Variants in KIAA1549L observed in about 807,000 individuals in gnomAD.
KIAA1549L encodes the protein KIAA1549 like.
A neutral mutation model predicts 160.7 loss-of-function variants in KIAA1549L; 88 were observed. That is an observed-to-expected ratio of 0.55 (90% CI 0.46 to 0.65). The LOEUF (loss-of-function observed/expected upper bound fraction) is 0.65. KIAA1549L is among the 30% of genes least tolerant of loss of function. The pLI is 0.00. For synonymous variants in KIAA1549L, 950 were observed against 976.7 expected (o/e 0.97, Z 0.51); for missense variants, 2,258 against 2,437.5 (o/e 0.93, Z 1.55).
rs117377568 is a variant in KIAA1549L, at chr11:33,656,864, G to A, written c.5858+755G>A. Among the ~76,000 whole-genome samples the A allele has an allele frequency of 9.3e-3, 1,416 of 152,216 alleles. 20 individuals are homozygous for A. The highest frequency in any genetic ancestry group is 0.043 in the South Asian group (207 of 4,826). ...CCAGTGGTTTAGAATGCGGAGGGGC[G>A]TAGACGTCACTTCTTGCCACCAGCC... On this transcript the variant is annotated intron_variant, in intron 18 of 20. Coordinates refer to ENST00000658780, the MANE Select transcript of KIAA1549L (RefSeq NM_012194.3).
Position 33,609,843 on chromosome 11 carries a change from C to T in KIAA1549L, c.5156C>T (p.Ala1719Val). 6.2e-7 allele frequency: 1 copy of T among 1,613,770 alleles called. No individual in the cohort carries two copies. Among genetic ancestry groups the T allele is most frequent in the Non-Finnish European group, 8.5e-7 (1 of 1,179,726 alleles). Residue 1719 changes from alanine (A) to valine (V), a missense_variant, in exon 15 of 21, where the codon GCA (alanine) becomes GTA (valine). This residue lies in a region of KIAA1549L where 1,359 missense variants were observed against 1,546.6 expected (regional missense o/e 0.88). Coordinates refer to ENST00000658780, the MANE Select transcript of KIAA1549L (RefSeq NM_012194.3). ...AKRKGYYDFP[A>V]VETSKGLTER... Reference sequence around the variant, plus strand: ...AGGAAGGGATATTACGACTTCCCTGCAGTGGAGACGAGCAAGGGTCTGACC... The same window carrying T: ...AGGAAGGGATATTACGACTTCCCTGTAGTGGAGACGAGCAAGGGTCTGACC...
At chr11:33,515,421 T>C (rs1404354467) in intron 1 of KIAA1549L, among the ~76,000 whole-genome samples, 1 of 152,180 alleles carries the variant, frequency 6.6e-6, no homozygotes, top group African/African-American at 2.4e-5. Context: ...ATCCAACTAG[T>C]TCAAGTTGGA....
rs1401626126 is a variant in KIAA1549L at position 33,376,342 on chromosome 11, CCCCGGGCGGCGCCCGT to C, written c.-306_-291del. On this transcript the variant is annotated 5_prime_UTR_variant, in exon 1 of 21. Transcript: ENST00000658780. This position sits in a 1 kb window ranked among gnomAD's most constrained non-coding sequence, Gnocchi z 5.8. ...GCAGGAGCCGGCCCGGGGGAGGGGG[CCCCGGGCGGCGCCCGT>C]CCCACCCTCGCCGCCCCAATCGCGC... The C allele has an allele frequency of 6.8e-6, 1 of 148,058 alleles. No homozygotes were observed. The highest frequency in any genetic ancestry group is 2.5e-5 in the African/African-American group (1 of 40,810). 9.2% of individuals were successfully genotyped at this position (148,058 alleles called of 1,614,324 possible).
At chr11:33,430,198 T>C (rs1044088922) in intron 1 of KIAA1549L, among the ~76,000 whole-genome samples, 2 of 147,756 alleles carry the variant, frequency 1.4e-5, no homozygotes, top group African/African-American at 2.5e-5. Context: ...CTCCCTTCTT[T>C]CCCTCCCTCT....
At position 33,668,103 on chromosome 11, in the gene KIAA1549L, G is replaced by A. The variant is rs1214547182; in HGVS notation, c.6390G>A (p.Glu2130=). ...TAALVKAIRE[E]VAKLAKKQTD... is the part of the protein sequence containing the mutation. ...CCCTTGTGAAGGCCATCCGGGAGGAGGTGGCCAAGCTGGCCAAAAAACAGA... is the reference window on the plus strand; with the variant it reads ...CCCTTGTGAAGGCCATCCGGGAGGAAGTGGCCAAGCTGGCCAAAAAACAGA... Residue 2130 remains glutamate, a synonymous_variant, in exon 21 of 21, where the codon GAG becomes GAA. Transcript: ENST00000658780. 2 of 1,614,012 alleles carry A rather than the reference G, an allele frequency of 1.2e-6. No homozygotes were observed. Among genetic ancestry groups the A allele is most frequent in the South Asian group, 2.2e-5 (2 of 91,064 alleles).
At chr11:33,432,549 T>G (rs1304095232) in intron 1 of KIAA1549L, among the ~76,000 whole-genome samples, 2 of 152,202 alleles carry the variant, frequency 1.3e-5, no homozygotes, top group African/African-American at 4.8e-5. Context: ...CTGCTGAGAT[T>G]CTGAAGGGAA....
intron 1 of KIAA1549L, among the ~76,000 whole-genome samples, chr11:33,488,199 C>A (rs187024686): frequency 2.0e-5 from 3 of 152,184 alleles, no homozygotes; most frequent in Middle Eastern, 3.2e-3. Flanking sequence ...TTGTAATGCT[C>A]AAACTCAAAG....
chr11:33,668,599 CTG>C lies in KIAA1549L; in HGVS notation c.*447_*448del, dbSNP rs1399159587. On this transcript the variant is annotated 3_prime_UTR_variant, in exon 21 of 21. Coordinates refer to ENST00000658780, the MANE Select transcript of KIAA1549L (RefSeq NM_012194.3). Reference sequence around the variant, plus strand: ...GCAGGAGTGTGGATTAAGCACCAGACTGTATTCTCATTCAACCATGACCGTGC... The same window carrying C: ...GCAGGAGTGTGGATTAAGCACCAGACTATTCTCATTCAACCATGACCGTGC... 1.1e-5 allele frequency: 2 copies of C among 176,820 alleles called. No homozygotes were observed. Among genetic ancestry groups the C allele is most frequent in the Non-Finnish European group, 2.4e-5 (2 of 81,960 alleles). 11.0% of individuals were successfully genotyped at this position (176,820 alleles called of 1,614,324 possible).
intron 1 of KIAA1549L, among the ~76,000 whole-genome samples, chr11:33,527,986 T>C (rs1590312557): frequency 1.3e-5 from 2 of 152,270 alleles, no homozygotes; most frequent in South Asian, 2.1e-4. Context: ...TGAATAAGTC[T>C]CACGAAATCT....
intron 1 of KIAA1549L, among the ~76,000 whole-genome samples, chr11:33,501,900 T>G (rs1852957841): frequency 2.0e-5 from 3 of 152,114 alleles, no homozygotes; most frequent in African/African-American, 7.2e-5. Context: ...GTGGTAGAGC[T>G]GAGATTTGAG....
Position 33,559,703 on chromosome 11 carries a change from T to C in KIAA1549L, c.3856-46T>C, listed in dbSNP as rs559746494. 1.9e-6 allele frequency: 3 copies of C among 1,564,234 alleles called. No individual in the cohort carries two copies. The Admixed American group carries it at 5.0e-5, about 26-fold the overall frequency. ...ATGGCCTCCATGAAACACACCCTGG[T>C]CTTATTTGGCCTGTCTCCCTCCCCT... On this transcript the variant is annotated intron_variant, in intron 6 of 20. Transcript: ENST00000658780.
intron 18 of KIAA1549L, among the ~76,000 whole-genome samples, chr11:33,656,567 G>T (rs192828433): frequency 6.6e-6 from 1 of 152,308 alleles, no homozygotes; most frequent in African/African-American, 2.4e-5. Flanking sequence ...TATCTCAATT[G>T]CAACACATAT....
chr11:33,448,906 T>G (rs1225688297), intron 1 of KIAA1549L, among the ~76,000 whole-genome samples: 1 of 152,192 alleles, frequency 6.6e-6, no homozygotes, highest in Non-Finnish European at 1.5e-5. Context: ...CTGGTCCCCA[T>G]CGTTTCCCCC....
rs549078880 is a variant in KIAA1549L, at chr11:33,583,194, G to T, written c.4403-144G>T. 416 of 682,526 alleles carry T rather than the reference G, an allele frequency of 6.1e-4. 3 individuals carry two copies. In the Middle Eastern group the frequency reaches 8.8e-3, roughly 14 times the overall value. 42.3% of individuals were successfully genotyped at this position (682,526 alleles called of 1,614,324 possible). A position where few individuals can be genotyped will look rare whatever the true frequency, so the allele number is the denominator to read the frequency against. ...TGCCCAAGGTCACACAGCTGCGGAG[G>T]TGGAGGCTTTCTAACCCCAAACCCT... On this transcript the variant is annotated intron_variant, in intron 10 of 20. Transcript: ENST00000658780.
chr11:33,388,609 C>T (rs1253815348), intron 1 of KIAA1549L, among the ~76,000 whole-genome samples: 1 of 152,130 alleles, frequency 6.6e-6, no homozygotes, highest in South Asian at 2.1e-4. Flanking sequence ...ACTTGCTTTT[C>T]CCGTTAACAC....
chr11:33,420,232 TTTG>T (rs1254401275), intron 1 of KIAA1549L, among the ~76,000 whole-genome samples: 1,413 of 77,304 alleles, frequency 0.018, 104 homozygotes, highest in African/African-American at 0.054. Context: ...AAGTTTTTTT[TTTG>T]TTTTTTTTTT....
At chr11:33,641,412 CAT>C (rs1435001217) in intron 16 of KIAA1549L, among the ~76,000 whole-genome samples, 3 of 151,724 alleles carry the variant, frequency 2.0e-5, no homozygotes, top group Admixed American at 1.3e-4. Context: ...TACTGTGGCA[CAT>C]ATATAATATA....
rs1854198270 is a variant in KIAA1549L at position 33,545,120 on chromosome 11, A to G, written c.3127A>G (p.Arg1043Gly). The change falls in exon 3 of 21, where the codon AGG becomes GGG. Residue 1043 changes from arginine to glycine, a missense_variant. Physicochemically the swap from Arg to Gly is moderately radical, Grantham distance 125. Coordinates refer to ENST00000658780, the MANE Select transcript of KIAA1549L (RefSeq NM_012194.3). ...CCTGTTGTCTACAACTTACCTCCCC[A>G]GGAAACCACAAGCCATGCACACCGG... ...SGLLSTTYLP[R>G]KPQAMHTGLP... 6.2e-7 allele frequency: 1 copy of G among 1,614,018 alleles called. No homozygotes were observed. Among genetic ancestry groups the G allele is most frequent in the Non-Finnish European group, 8.5e-7 (1 of 1,179,890 alleles).
At chr11:33,639,488 T>A (rs927365456) in intron 16 of KIAA1549L, among the ~76,000 whole-genome samples, 1 of 152,174 alleles carries the variant, frequency 6.6e-6, no homozygotes, top group Non-Finnish European at 1.5e-5. Context: ...GTAATTCTCC[T>A]TCTAGAAATT....
Sources: gnomAD v4.1 joint callset for allele counts (sites outside exome capture counted in the v4.1 genomes callset) on GRCh38, gnomAD v4.1.1 for gene constraint, gnomAD v4.1.1 regional missense constraint, Gnocchi (gnomAD v3.1) non-coding constraint, MANE v1.5 for transcripts, NCBI Gene and HGNC (gene_info 2026-07-23, HGNC 2026-07-21) for gene names.